Variants in ZZZ3 observed in about 807,000 individuals in gnomAD.
The protein encoded by ZZZ3 is ZZ-type zinc finger-containing protein 3.
Under a neutral mutation model 95.2 loss-of-function variants are expected in ZZZ3, and 22 were observed. The ratio of observed to expected loss-of-function variants is 0.23; its 90% CI spans 0.17 to 0.33. The LOEUF (loss-of-function observed/expected upper bound fraction) is 0.33. Ranked by LOEUF, ZZZ3 falls within the 10% of genes least tolerant of loss-of-function variation. The pLI is 1.00. For missense variants in ZZZ3, 885 were observed against 1,066.5 expected (o/e 0.83, Z 2.37); for synonymous variants, 335 against 358.9 (o/e 0.93, Z 0.75).
At chr1:77,648,867 A>C (rs1314816462) in intron 1 of ZZZ3, among the ~76,000 whole-genome samples, 1 of 152,206 alleles carries the variant, frequency 6.6e-6, no homozygotes, top group Non-Finnish European at 1.5e-5. Flanking sequence ...ATGGTGGCTC[A>C]GTGCTGTAAT....
At chr1:77,585,646 G>T (rs1270949006) in intron 5 of ZZZ3, among the ~76,000 whole-genome samples, 1 of 152,066 alleles carries the variant, frequency 6.6e-6, no homozygotes, top group Non-Finnish European at 1.5e-5. Flanking sequence ...CTCCATAATG[G>T]CAAGTTCATC....
intron 5 of ZZZ3, among the ~76,000 whole-genome samples, chr1:77,613,664 T>C (rs1164012969): frequency 1.3e-5 from 2 of 152,044 alleles, no homozygotes; most frequent in Admixed American, 6.6e-5. Context: ...ATCCATTTAT[T>C]AGAATAAAAT....
intron 1 of ZZZ3, among the ~76,000 whole-genome samples, chr1:77,663,200 T>G (rs1670968037): frequency 6.6e-6 from 1 of 152,202 alleles, no homozygotes; most frequent in Non-Finnish European, 1.5e-5. Context: ...TGATCTTCGA[T>G]TTTAAAAAGC....
At chr1:77,570,480 C>T (rs576431245) in intron 12 of ZZZ3, among the ~76,000 whole-genome samples, 7 of 151,996 alleles carry the variant, frequency 4.6e-5, no homozygotes, top group African/African-American at 1.7e-4. Flanking sequence ...GCTTTCAAAT[C>T]GGTCCTCTAG....
At chr1:77,641,806 T>A (rs890222238) in intron 1 of ZZZ3, among the ~76,000 whole-genome samples, 151 bp from the exon 2 acceptor site, 1 of 152,230 alleles carries the variant, frequency 6.6e-6, no homozygotes, top group Middle Eastern at 3.2e-3. Context: ...CTGTGAAATA[T>A]GTGTCTTCAA....
chr1:77,633,303 C>G lies in ZZZ3; in HGVS notation c.52G>C (p.Gly18Arg). 6.2e-7 allele frequency: 1 copy of G among 1,613,686 alleles called. No homozygotes were observed. Among genetic ancestry groups the G allele is most frequent in the South Asian group, 1.1e-5 (1 of 91,018 alleles). ...RVTRSTVGLN[G>R]LDESFCGRTL... ...CTACCACAAAAAGATTCATCCAAGC[C>G]GTTTAACCCCACTGTTGATCTTGTA... Residue 18 changes from glycine (G) to arginine (R), a missense_variant, in exon 5 of 15, where the codon GGC becomes CGC. Coordinates refer to ENST00000370801, the MANE Select transcript of ZZZ3 (RefSeq NM_015534.6).
At chr1:77,608,175 G>A (rs563126652) in intron 5 of ZZZ3, among the ~76,000 whole-genome samples, 13 of 152,166 alleles carry the variant, frequency 8.5e-5, no homozygotes, top group Middle Eastern at 3.4e-3. Flanking sequence ...AAACCAAGGA[G>A]ATTTAGCCCA....
At chr1:77,605,591 G>A (rs568566604) in intron 5 of ZZZ3, among the ~76,000 whole-genome samples, 1 of 152,256 alleles carries the variant, frequency 6.6e-6, no homozygotes, top group East Asian at 1.9e-4. Flanking sequence ...TCTTTCACTT[G>A]AGGAAAGGAG....
At chr1:77,673,555 C>T (rs1671978736) in intron 1 of ZZZ3, among the ~76,000 whole-genome samples, 1 of 152,116 alleles carries the variant, frequency 6.6e-6, no homozygotes, top group Non-Finnish European at 1.5e-5. Context: ...TGAGATCGCG[C>T]CACTGCACTC....
chr1:77,570,113 CT>C (rs898567935), intron 12 of ZZZ3, among the ~76,000 whole-genome samples: 5 of 151,670 alleles, frequency 3.3e-5, no homozygotes, highest in African/African-American at 1.2e-4. Context: ...TCTTTTTTTT[CT>C]TTTTTTGAGA....
At chr1:77,581,951 C>T in intron 7 of ZZZ3, 28 bp downstream of exon 7, 1 of 1,600,684 alleles carries the variant, frequency 6.2e-7, no homozygotes, top group Non-Finnish European at 8.5e-7. Flanking sequence ...TATTTTTCTA[C>T]TTAAATTCTT....
chr1:77,588,680 A>C (rs1311233514), intron 5 of ZZZ3, among the ~76,000 whole-genome samples: 1 of 152,122 alleles, frequency 6.6e-6, no homozygotes, highest in Non-Finnish European at 1.5e-5. Flanking sequence ...TACTTTTGCT[A>C]CTCACTGAAC....
At chr1:77,658,515 C>CTTTTT (rs111821277) in intron 1 of ZZZ3, among the ~76,000 whole-genome samples, 2 of 131,784 alleles carry the variant, frequency 1.5e-5, no homozygotes, top group South Asian at 2.4e-4. Flanking sequence ...CACATCCTGG[C>CTTTTT]TTTTTTTTTT....
chr1:77,565,468 A>T lies in ZZZ3; in HGVS notation c.*172T>A, dbSNP rs1323471584. 1 of 607,572 alleles carries T rather than the reference A, an allele frequency of 1.6e-6. No homozygotes were observed. Among genetic ancestry groups the T allele is most frequent in the Non-Finnish European group, 2.7e-6 (1 of 366,840 alleles). The allele number at this position is 607,572 out of a possible 1,614,324, so 37.6% of individuals were successfully genotyped here. ...AGGAATGTTCAGCTGCTGAACAGTG[A>T]TCTAGAGCCACAACGGTGCAGAGCT... On this transcript the variant is annotated 3_prime_UTR_variant, in exon 15 of 15. Transcript: ENST00000370801.
At position 77,606,279 on chromosome 1, in the gene ZZZ3, G is replaced by T. The variant is rs368086307; in HGVS notation, c.1506-21624C>A. Among the ~76,000 whole-genome samples the T allele has an allele frequency of 2.6e-3, 389 of 152,326 alleles. 5 individuals carry two copies. The highest frequency in any genetic ancestry group is 2.1e-3 in the East Asian group (11 of 5,178). On this transcript the variant is annotated intron_variant, in intron 5 of 14. Coordinates refer to ENST00000370801, the MANE Select transcript of ZZZ3 (RefSeq NM_015534.6). ...GCCTATGGCATGCAGGGAAAGGTGG[G>T]AAGCACCATGTCTCATGGTTTGAGT...
intron 5 of ZZZ3, among the ~76,000 whole-genome samples, chr1:77,630,389 T>C (rs1570556729): frequency 6.6e-6 from 1 of 151,990 alleles, no homozygotes; most frequent in African/African-American, 2.4e-5. Flanking sequence ...GATGGGAGGA[T>C]TGCTTGAGCC....
intron 5 of ZZZ3, among the ~76,000 whole-genome samples, chr1:77,601,016 T>C (rs1242151782): frequency 6.6e-6 from 1 of 152,144 alleles, no homozygotes; most frequent in African/African-American, 2.4e-5. Flanking sequence ...ACAAGAAGAA[T>C]GGATTAGAAT....
rs149019553 is a variant in ZZZ3 at position 77,562,681 on chromosome 1, A to G, written c.*2959T>C. 6.6e-6 allele frequency: 1 copy of G among 152,348 alleles called. No homozygotes were observed. Among genetic ancestry groups the G allele is most frequent in the East Asian group, 1.9e-4 (1 of 5,186 alleles). The allele number at this position is 152,348 out of a possible 1,614,324, so 9.4% of individuals were successfully genotyped here. On this transcript the variant is annotated 3_prime_UTR_variant, in exon 15 of 15. Transcript: ENST00000370801. ...AAGAAAATCCTACCCAAGGCAGGAA[A>G]CACAAGCCTTAGTCCCAGCTTTGCC... is the stretch of plus-strand genomic sequence containing the variant.
intron 5 of ZZZ3, among the ~76,000 whole-genome samples, chr1:77,624,101 T>C (rs564349526): frequency 2.0e-5 from 3 of 152,274 alleles, no homozygotes; most frequent in African/African-American, 7.2e-5. Context: ...AAAGTAAATA[T>C]ATTGGTCTCT....
Sources: gnomAD v4.1 joint callset for allele counts (sites outside exome capture counted in the v4.1 genomes callset) on GRCh38, gnomAD v4.1.1 for gene constraint, MANE v1.5 for transcripts, NCBI Gene and HGNC (gene_info 2026-07-23, HGNC 2026-07-21) for gene names.